The following FAM193A variants were observed in gnomAD, a reference collection of about 807,000 sequenced individuals.
FAM193A encodes family with sequence similarity 193 member A.
A neutral mutation model predicts 126.5 loss-of-function variants in FAM193A; 22 were observed. The ratio of observed to expected loss-of-function variants is 0.17; its 90% confidence interval spans 0.12 to 0.25. The LOEUF is 0.25. FAM193A is among the 10% of genes least tolerant of loss of function. FAM193A has a pLI of 1.00. For missense variants in FAM193A, 1,675 were observed against 1,672.8 expected, an observed-to-expected ratio of 1.00 and a Z score of -0.02; for synonymous variants, 761 against 646.8, an observed-to-expected ratio of 1.18 and a Z score of -2.68.
Position 2,700,282 on chromosome 4 carries a change from G to C in FAM193A, c.4110G>C (p.Gln1370His), listed in dbSNP as rs776316637. ...AGGGGCAGTCCAAGCCCCGGGCCCA[G>C]ACTGAGTCAAAGGCTAAGGTGGTCG... ...ATEGQSKPRA[Q>H]TESKAKVVDL... The change falls in exon 19 of 21, where the codon CAG becomes CAC. Residue 1370 changes from glutamine to histidine, a missense_variant. By Grantham distance (24) the Gln-to-His change is conservative. Around this residue, in one of 4 missense-constraint regions of FAM193A, gnomAD observed 415 missense variants for 396.7 expected, o/e 1.05. Coordinates refer to ENST00000637812, the MANE Select transcript of FAM193A (RefSeq NM_001366318.2). 6.2e-7 allele frequency: 1 copy of C among 1,614,086 alleles called. No individual in the cohort carries two copies. The highest frequency in any genetic ancestry group is 1.1e-5 in the South Asian group (1 of 91,072).
At chr4:2,607,799 T>G in intron 2 of FAM193A, 1 of 534,572 alleles carries the variant, frequency 1.9e-6, no homozygotes, top group Non-Finnish European at 3.3e-6. Flanking sequence ...ACAGCTCTGT[T>G]GGGTTGTCTT....
chr4:2,696,484 T>TCGGAATC lies in FAM193A; in HGVS notation c.3400_3401insGAATCCG (p.Val1134GlyfsTer4). On this transcript the variant is annotated frameshift_variant, in exon 18 of 21. Coordinates refer to ENST00000637812, the MANE Select transcript of FAM193A (RefSeq NM_001366318.2). LOFTEE classifies it high-confidence loss of function. ...GACCAGATCTCAGAAAGGGAAAGCG[T>TCGGAATC]CGTTGACCATCGGAGGGTGGAGGAT... The TCGGAATC allele has an allele frequency of 6.2e-7, 1 of 1,614,164 alleles. No individual in the cohort carries two copies. The highest frequency in any genetic ancestry group is 1.7e-5 in the Admixed American group (1 of 60,032).
intron 19 of FAM193A, chr4:2,715,564 C>T (rs1198681379): frequency 4.1e-6 from 4 of 968,334 alleles, no homozygotes; most frequent in Non-Finnish European, 4.9e-6. Context: ...GTCAAGGGCA[C>T]ATTCGAGGGA....
At chr4:2,685,699 G>A (rs1715656899) in intron 13 of FAM193A, among the ~76,000 whole-genome samples, 1 of 152,284 alleles carries the variant, frequency 6.6e-6, no homozygotes, top group Non-Finnish European at 1.5e-5. Context: ...TCACGTGTGG[G>A]CCTCATGACT....
intron 5 of FAM193A, 39 bp from the exon 6 acceptor site, chr4:2,639,696 A>G (rs1274979989): frequency 6.3e-7 from 1 of 1,579,174 alleles, no homozygotes; most frequent in Non-Finnish European, 8.6e-7. Flanking sequence ...TTAGCAATTC[A>G]CTACATCTTC....
At chr4:2,673,335 T>G (rs949674402) in intron 13 of FAM193A, among the ~76,000 whole-genome samples, 1 of 152,188 alleles carries the variant, frequency 6.6e-6, no homozygotes, top group Admixed American at 6.5e-5. Flanking sequence ...TCCAAACACA[T>G]GTGTGTTTTC....
chr4:2,655,657 G>T (rs1711586858), intron 7 of FAM193A, among the ~76,000 whole-genome samples: 2 of 152,054 alleles, frequency 1.3e-5, no homozygotes, highest in Admixed American at 6.5e-5. Context: ...TTGGCTTGGT[G>T]CAGTGGCTCA....
intron 1 of FAM193A, among the ~76,000 whole-genome samples, chr4:2,543,027 A>G (rs890229855): frequency 7.9e-5 from 12 of 151,988 alleles, no homozygotes; most frequent in Non-Finnish European, 1.8e-4. Context: ...AGCTTGGGGA[A>G]CCACAAATTT....
At chr4:2,542,419 C>T (rs1162759839) in intron 1 of FAM193A, among the ~76,000 whole-genome samples, 1 of 152,228 alleles carries the variant, frequency 6.6e-6, no homozygotes, top group Admixed American at 6.6e-5. Flanking sequence ...GCTGGAATTA[C>T]AGGCGTGAGC....
intron 1 of FAM193A, among the ~76,000 whole-genome samples, chr4:2,594,971 G>A (rs1358106597): frequency 6.6e-6 from 1 of 151,232 alleles, no homozygotes; most frequent in Non-Finnish European, 1.5e-5. Flanking sequence ...TGGGATTACA[G>A]GTGCACACCA....
Position 2,626,472 on chromosome 4 carries a change from G to A in FAM193A, c.698G>A (p.Arg233His), listed in dbSNP as rs1021225219. The change falls in exon 4 of 21, where the codon CGC becomes CAC. Residue 233 changes from arginine (R) to histidine (H), a missense_variant. By Grantham distance (29) the Arg-to-His change is conservative. This residue lies in a region of FAM193A where 1,186 missense variants were observed against 1,109.2 expected (regional missense o/e 1.07). Coordinates refer to ENST00000637812, the MANE Select transcript of FAM193A (RefSeq NM_001366318.2). ...QQLQNYWSEV[R>H]YTVRCIYRQA... ...CTGCAGAACTACTGGTCAGAAGTGCGCTACACGGTGCGCTGCATCTACCGC... is the reference window on the plus strand; with the variant it reads ...CTGCAGAACTACTGGTCAGAAGTGCACTACACGGTGCGCTGCATCTACCGC... The A allele has an allele frequency of 2.8e-6, 2 of 702,528 alleles. No individual in the cohort carries two copies. The highest frequency in any genetic ancestry group is 5.2e-6 in the Non-Finnish European group (2 of 384,884). 43.5% of individuals were successfully genotyped at this position (702,528 alleles called of 1,614,324 possible).
Position 2,602,052 on chromosome 4 carries a change from T to C in FAM193A, c.501+5723T>C, listed in dbSNP as rs145317003. Among the ~76,000 whole-genome samples, 632 of 152,210 alleles carry C rather than the reference T, an allele frequency of 4.2e-3. 1 individual carries two copies. The highest frequency in any genetic ancestry group is 0.015 in the African/African-American group (608 of 41,530). Reference sequence around the variant, plus strand: ...CAGAGTTTTGCCATGTTGCCCAGGCTGGTTTCGAACTCCTGACCTCAAGTG... The same window carrying C: ...CAGAGTTTTGCCATGTTGCCCAGGCCGGTTTCGAACTCCTGACCTCAAGTG... On this transcript the variant is annotated intron_variant, in intron 2 of 20. Transcript: ENST00000637812.
Position 2,578,869 on chromosome 4 carries a change from AGAG to A in FAM193A, c.256-17195_256-17193del, listed in dbSNP as rs372413730. Reference sequence around the variant, plus strand: ...TTCTCTTTACATTGGCTAGGCTGAGAGAGGAGGAGGAGGAGGAGGAGGCGGAAG... The same window carrying A: ...TTCTCTTTACATTGGCTAGGCTGAGAGAGGAGGAGGAGGAGGAGGCGGAAG... On this transcript the variant is annotated intron_variant, in intron 1 of 20. Transcript: ENST00000637812. Among the ~76,000 whole-genome samples the A allele has an allele frequency of 9.2e-4, 140 of 151,528 alleles. 4 individuals carry two copies. The highest frequency in any genetic ancestry group is 3.4e-3 in the Middle Eastern group (1 of 294).
intron 1 of FAM193A, among the ~76,000 whole-genome samples, chr4:2,594,555 T>C (rs1740742978): frequency 6.6e-6 from 1 of 152,154 alleles, no homozygotes; most frequent in Non-Finnish European, 1.5e-5. Flanking sequence ...GTGTGCCCTT[T>C]TTCTGGCTGC....
In FAM193A at chr4:2,669,395, G is replaced by C. The variant is rs150705505; in HGVS notation, c.2080-2726G>C. ...AGGCAGAGGCGGGCAGATCACCTGAGGTCAGGAGTTCGAGACCAGCCTAGC... is the reference window on the plus strand; with the variant it reads ...AGGCAGAGGCGGGCAGATCACCTGACGTCAGGAGTTCGAGACCAGCCTAGC... On this transcript the variant is annotated intron_variant, in intron 12 of 20. Transcript: ENST00000637812. Among the ~76,000 whole-genome samples the C allele has an allele frequency of 7.0e-3, 1,065 of 152,078 alleles. 15 individuals carry two copies. Among genetic ancestry groups the C allele is most frequent in the African/African-American group, 0.025 (1,022 of 41,476 alleles).
intron 10 of FAM193A, among the ~76,000 whole-genome samples, chr4:2,661,437 A>G (rs960457977): frequency 6.6e-6 from 1 of 152,176 alleles, no homozygotes; most frequent in Non-Finnish European, 1.5e-5. Context: ...CATGGAGCAA[A>G]TGGCTGAGTT....
chr4:2,554,244 C>T (rs1738121081), intron 1 of FAM193A, among the ~76,000 whole-genome samples: 1 of 151,994 alleles, frequency 6.6e-6, no homozygotes, highest in South Asian at 2.1e-4. Context: ...ACCACTGTGC[C>T]CAGCTAAGTT....
chr4:2,643,969 C>A (rs1011419606), intron 6 of FAM193A, among the ~76,000 whole-genome samples: 2 of 152,192 alleles, frequency 1.3e-5, no homozygotes, highest in African/African-American at 4.8e-5. Flanking sequence ...AATGTTATTT[C>A]ATTCTCTTTA....
chr4:2,590,476 C>CAAAAAAAAAAAAAAAAAAA (rs754091956), intron 1 of FAM193A, among the ~76,000 whole-genome samples: 1 of 40,500 alleles, frequency 2.5e-5, no homozygotes, highest in African/African-American at 1.7e-4. Context: ...AAAAAAAAAA[C>CAAAAAAAAAAAAAAAAAAA]AAAAAAAAAC....
Sources: gnomAD v4.1 joint callset for allele counts (sites outside exome capture counted in the v4.1 genomes callset) on GRCh38, gnomAD v4.1.1 for gene constraint, gnomAD v4.1.1 regional missense constraint, MANE v1.5 for transcripts, NCBI Gene and HGNC (gene_info 2026-07-23, HGNC 2026-07-21) for gene names.